CA10: variants seen among roughly 807,000 people sequenced by gnomAD.
CA10 encodes the protein carbonic anhydrase-related protein 10.
Under a neutral mutation model 44.2 loss-of-function variants are expected in CA10, and 14 were observed. The observed-to-expected ratio is 0.32, with a 90% CI of 0.21 to 0.50. CA10 has a LOEUF of 0.50. Ranked by LOEUF, CA10 falls within the 20% of genes least tolerant of loss-of-function variation. CA10 has a pLI of 0.99. For synonymous variants in CA10, 159 were observed against 141.6 expected (o/e 1.12, Z -0.87); for missense variants, 350 against 409.7 (o/e 0.85, Z 1.26).
At chr17:51,736,151 T>C (rs1399404108) in intron 4 of CA10, among the ~76,000 whole-genome samples, 1 of 152,170 alleles carries the variant, frequency 6.6e-6, no homozygotes, top group African/African-American at 2.4e-5. Flanking sequence ...AATGAGGAAA[T>C]TGGGGCACAA....
intron 2 of CA10, among the ~76,000 whole-genome samples, chr17:52,001,692 T>C (rs1176553313): frequency 6.6e-6 from 1 of 152,006 alleles, no homozygotes; most frequent in African/African-American, 2.4e-5. Context: ...TTTAGGGTGC[T>C]GCACTGTATA....
At chr17:51,883,526 C>T (rs1980468304) in intron 3 of CA10, among the ~76,000 whole-genome samples, 1 of 152,140 alleles carries the variant, frequency 6.6e-6, no homozygotes, top group Admixed American at 6.6e-5. Flanking sequence ...TGAATGGCCT[C>T]CAAGTTGTTG....
rs535056305 is a variant in CA10 at position 51,640,163 on chromosome 17, T to C, written c.635-4154A>G. On this transcript the variant is annotated intron_variant, in intron 6 of 8. Transcript: ENST00000451037. Reference sequence around the variant, plus strand: ...CATCTTGTATCTCTAAGCCCCCAAATGCCAGCATGAGTCCACCACATACTG... The same window carrying C: ...CATCTTGTATCTCTAAGCCCCCAAACGCCAGCATGAGTCCACCACATACTG... Among the ~76,000 whole-genome samples the C allele has an allele frequency of 1.2e-4, 18 of 152,300 alleles. 1 individual carries two copies. The South Asian group carries it at 3.5e-3, about 30-fold the overall frequency.
At chr17:52,078,592 G>A (rs1232793309) in intron 1 of CA10, among the ~76,000 whole-genome samples, 2 of 152,198 alleles carry the variant, frequency 1.3e-5, no homozygotes, top group Non-Finnish European at 2.9e-5. Context: ...CAAGGAGGAA[G>A]GTACCAAGTC....
chr17:52,132,508 T>C (rs907948414), intron 1 of CA10, among the ~76,000 whole-genome samples: 6 of 152,228 alleles, frequency 3.9e-5, no homozygotes, highest in African/African-American at 1.4e-4. Context: ...AGGTGTGCTG[T>C]ACCTGTTAAC....
At chr17:51,742,752 G>A (rs954486574) in intron 4 of CA10, among the ~76,000 whole-genome samples, 5 of 152,158 alleles carry the variant, frequency 3.3e-5, no homozygotes, top group African/African-American at 9.7e-5. Context: ...CAACAGCTAT[G>A]GACTTTTCCC....
chr17:51,759,322 C>A (rs1305247532), intron 3 of CA10, among the ~76,000 whole-genome samples: 2 of 150,598 alleles, frequency 1.3e-5, no homozygotes, highest in Non-Finnish European at 2.9e-5. Context: ...TCTATGCCAG[C>A]CGAAATCAAG....
intron 3 of CA10, among the ~76,000 whole-genome samples, chr17:51,811,190 GAA>G (rs35275627): frequency 0.014 from 1,706 of 125,190 alleles, 23 homozygotes; most frequent in African/African-American, 0.04. Flanking sequence ...ACTCCATCTC[GAA>G]AAAAAAAAAA....
intron 2 of CA10, among the ~76,000 whole-genome samples, chr17:52,005,182 C>G (rs949542240): frequency 6.6e-6 from 1 of 151,788 alleles, no homozygotes; most frequent in South Asian, 2.1e-4. Flanking sequence ...TTCAGTGAAC[C>G]CTTTAGGACC....
At chr17:52,089,033 T>C (rs1988192941) in intron 1 of CA10, among the ~76,000 whole-genome samples, 1 of 152,210 alleles carries the variant, frequency 6.6e-6, no homozygotes, top group African/African-American at 2.4e-5. Context: ...TGCTCCACAG[T>C]GCTACAATTC....
chr17:51,980,503 G>T (rs571418898), intron 2 of CA10, among the ~76,000 whole-genome samples: 6 of 152,138 alleles, frequency 3.9e-5, no homozygotes, highest in Admixed American at 3.9e-4. Context: ...CTTTTGCTGT[G>T]CAGAAGCTCT....
chr17:52,062,669 G>T (rs1027162899), intron 2 of CA10, among the ~76,000 whole-genome samples: 2 of 152,204 alleles, frequency 1.3e-5, no homozygotes, highest in African/African-American at 4.8e-5. Context: ...TGCTCCAGAG[G>T]GTGCAAGCCA....
At chr17:51,775,551 A>G (rs892126886) in intron 3 of CA10, among the ~76,000 whole-genome samples, 5 of 152,130 alleles carry the variant, frequency 3.3e-5, no homozygotes, top group Non-Finnish European at 7.3e-5. Flanking sequence ...TTTATTCCAC[A>G]CATATTTATT....
intron 4 of CA10, among the ~76,000 whole-genome samples, chr17:51,670,859 A>G (rs973372133): frequency 2.0e-5 from 3 of 152,218 alleles, no homozygotes; most frequent in African/African-American, 4.8e-5. Context: ...TAAGTAATGT[A>G]TCCAGGTCAC....
At chr17:51,984,194 A>T (rs1222301523) in intron 2 of CA10, among the ~76,000 whole-genome samples, 1 of 151,802 alleles carries the variant, frequency 6.6e-6, no homozygotes, top group East Asian at 1.9e-4. Context: ...GGGAAAAGAG[A>T]TACAAAACAA....
intron 2 of CA10, among the ~76,000 whole-genome samples, chr17:52,028,113 A>G (rs575953326): frequency 4.4e-4 from 67 of 152,294 alleles, no homozygotes; most frequent in Non-Finnish European, 7.8e-4. Flanking sequence ...ATGAGATAAT[A>G]AAGGTGAGAA....
At chr17:52,015,112 G>GTAGT (rs1985926959) in intron 2 of CA10, among the ~76,000 whole-genome samples, 1 of 152,090 alleles carries the variant, frequency 6.6e-6, no homozygotes, top group African/African-American at 2.4e-5. Flanking sequence ...TAACGTCAGT[G>GTAGT]TAGTGATCCC....
chr17:51,745,803 T>C (rs1018091454), intron 4 of CA10, among the ~76,000 whole-genome samples: 1 of 152,188 alleles, frequency 6.6e-6, no homozygotes, highest in Admixed American at 6.5e-5. Context: ...TGATAGGTGC[T>C]GGAATATGAC....
chr17:51,632,879 C>A (rs1285622924), intron 8 of CA10, among the ~76,000 whole-genome samples: 2 of 152,156 alleles, frequency 1.3e-5, no homozygotes, highest in Non-Finnish European at 2.9e-5. Context: ...ACTTAAATGT[C>A]CCCTTTAGTG....
Sources: gnomAD v4.1 joint callset for allele counts (sites outside exome capture counted in the v4.1 genomes callset) on GRCh38, gnomAD v4.1.1 for gene constraint, MANE v1.5 for transcripts, NCBI Gene and HGNC (gene_info 2026-07-23, HGNC 2026-07-21) for gene names.